The following KCNN2 variants were observed in gnomAD, a reference collection of about 807,000 sequenced individuals.
The protein encoded by KCNN2 is potassium calcium-activated channel subfamily N member 2.
A neutral mutation model predicts 55.5 loss-of-function variants in KCNN2; 24 were observed. That is an observed-to-expected ratio of 0.43 (90% CI 0.31 to 0.61). The LOEUF is 0.61. Among genes scored for constraint, KCNN2 ranks in the 20% least tolerant of loss-of-function variants. The pLI is 0.08. For synonymous variants in KCNN2, 431 were observed against 336.1 expected (o/e 1.28, Z -3.09); for missense variants, 754 against 853.6 (o/e 0.88, Z 1.45).
chr5:114,175,010 T>C (rs550118468), intron 1 of KCNN2, among the ~76,000 whole-genome samples: 2 of 152,320 alleles, frequency 1.3e-5, no homozygotes, highest in East Asian at 3.9e-4. Context: ...CCTCCAACAC[T>C]GCATCGCTTT....
chr5:114,446,305 T>C (rs780769736), intron 3 of KCNN2, among the ~76,000 whole-genome samples: 10 of 152,304 alleles, frequency 6.6e-5, no homozygotes, highest in Non-Finnish European at 1.3e-4. Flanking sequence ...CTATTTTACT[T>C]TGGCAAAGAG....
chr5:114,296,725 G>C (rs550364393), intron 2 of KCNN2, among the ~76,000 whole-genome samples: 1 of 152,096 alleles, frequency 6.6e-6, no homozygotes, highest in African/African-American at 2.4e-5. Context: ...AACTAGAAAG[G>C]GCATTTAAAA....
At chr5:114,150,848 C>T (rs1752506121) in intron 1 of KCNN2, among the ~76,000 whole-genome samples, 1 of 152,134 alleles carries the variant, frequency 6.6e-6, no homozygotes, top group African/African-American at 2.4e-5. Flanking sequence ...ATGGAGAAAC[C>T]TCATCTCTAC....
intron 3 of KCNN2, among the ~76,000 whole-genome samples, chr5:114,432,593 C>T (rs1436686263): frequency 6.6e-6 from 1 of 152,170 alleles, no homozygotes; most frequent in Non-Finnish European, 1.5e-5. Flanking sequence ...ACTTGAGGAG[C>T]CCTTCAGCCC....
intron 5 of KCNN2, among the ~76,000 whole-genome samples, chr5:114,473,784 C>G (rs1761855487): frequency 6.6e-6 from 1 of 152,154 alleles, no homozygotes; most frequent in South Asian, 2.1e-4. Context: ...TGTATAAACT[C>G]ACTTCATCCT....
chr5:114,249,921 A>G (rs548787316), intron 2 of KCNN2, among the ~76,000 whole-genome samples: 7 of 152,262 alleles, frequency 4.6e-5, no homozygotes, highest in African/African-American at 1.7e-4. Flanking sequence ...ACATGTTATG[A>G]GAGTGGCTTA....
chr5:114,342,103 G>A (rs570010814), intron 2 of KCNN2, among the ~76,000 whole-genome samples: 148 of 152,002 alleles, frequency 9.7e-4, no homozygotes, highest in South Asian at 3.1e-3. Flanking sequence ...GGGTTTCGCC[G>A]TGTTAGCCAG....
At chr5:114,435,019 G>T (rs1759953545) in intron 3 of KCNN2, among the ~76,000 whole-genome samples, 1 of 152,232 alleles carries the variant, frequency 6.6e-6, no homozygotes, top group Non-Finnish European at 1.5e-5. Flanking sequence ...AAGCAGGAGG[G>T]GATTTTTCTG....
chr5:114,333,687 G>T (rs1051438613), intron 2 of KCNN2, among the ~76,000 whole-genome samples: 18 of 151,778 alleles, frequency 1.2e-4, no homozygotes, highest in African/African-American at 4.1e-4. Context: ...TGGTTTTCTA[G>T]ATTTAGAAAT....
At chr5:114,369,390 C>T (rs1200307957) in intron 2 of KCNN2, among the ~76,000 whole-genome samples, 1 of 152,068 alleles carries the variant, frequency 6.6e-6, no homozygotes, top group East Asian at 1.9e-4. Context: ...GTTTTATTAT[C>T]TCAGTTAAAA....
At chr5:114,474,283 G>A (rs982816142) in intron 5 of KCNN2, among the ~76,000 whole-genome samples, 3 of 152,080 alleles carry the variant, frequency 2.0e-5, no homozygotes, top group Non-Finnish European at 4.4e-5. Flanking sequence ...AACATGAATT[G>A]CTATTGCCTG....
At chr5:114,273,986 G>T (rs1216253422) in intron 2 of KCNN2, among the ~76,000 whole-genome samples, 2 of 152,078 alleles carry the variant, frequency 1.3e-5, no homozygotes, top group African/African-American at 4.8e-5. Context: ...TTATGTTTAA[G>T]TCTTTAATCC....
intron 2 of KCNN2, among the ~76,000 whole-genome samples, chr5:114,376,142 C>T (rs1031859938): frequency 3.3e-5 from 5 of 151,996 alleles, no homozygotes; most frequent in Non-Finnish European, 4.4e-5. Flanking sequence ...AGCCCACTCA[C>T]TGTCATGTTC....
intron 1 of KCNN2, among the ~76,000 whole-genome samples, chr5:114,165,786 C>G (rs1752896950): frequency 1.3e-5 from 2 of 151,970 alleles, no homozygotes. Context: ...TATTATTTTA[C>G]TGTTTATGGC....
chr5:114,258,828 C>G (rs1222144615), intron 2 of KCNN2, among the ~76,000 whole-genome samples: 2 of 152,184 alleles, frequency 1.3e-5, no homozygotes, highest in Non-Finnish European at 1.5e-5. Context: ...CCTCCCTCAG[C>G]CTAAAACACA....
chr5:114,327,860 C>A (rs1209775988), intron 2 of KCNN2, among the ~76,000 whole-genome samples: 1 of 152,168 alleles, frequency 6.6e-6, no homozygotes. Context: ...ACATGACAAG[C>A]AGTTAGTACT....
intron 2 of KCNN2, among the ~76,000 whole-genome samples, chr5:114,248,514 C>T (rs1754792115): frequency 1.4e-5 from 1 of 73,330 alleles, no homozygotes; most frequent in Admixed American, 1.7e-4. Context: ...TTTCCAGCTA[C>T]TAAATACTTC....
chr5:114,199,717 C>T (rs7719150), intron 1 of KCNN2, among the ~76,000 whole-genome samples: 7,263 of 152,018 alleles, frequency 0.048, 596 homozygotes, highest in African/African-American at 0.16. Context: ...ACAAAATCCC[C>T]CAGCATTTTC....
intron 1 of KCNN2, among the ~76,000 whole-genome samples, chr5:114,064,580 A>T (rs576919388): frequency 6.6e-6 from 1 of 152,324 alleles, no homozygotes; most frequent in African/African-American, 2.4e-5. Flanking sequence ...GAGTGACCCC[A>T]GCTAATGCTA....
Sources: gnomAD v4.1 joint callset for allele counts (sites outside exome capture counted in the v4.1 genomes callset) on GRCh38, gnomAD v4.1.1 for gene constraint, MANE v1.5 for transcripts, NCBI Gene and HGNC (gene_info 2026-07-23, HGNC 2026-07-21) for gene names.